FNIP2: variants seen among roughly 807,000 people sequenced by gnomAD.
The protein encoded by FNIP2 is folliculin interacting protein 2.
In FNIP2, 32 loss-of-function variants were observed where a neutral mutation model predicts 108.7. That is an observed-to-expected ratio of 0.29 (90% CI 0.22 to 0.40). The LOEUF is 0.40. Ranked by LOEUF, FNIP2 falls within the 10% of genes least tolerant of loss-of-function variation. The pLI is 1.00. For missense variants in FNIP2, 1,202 were observed against 1,381.6 expected, an observed-to-expected ratio of 0.87 and a Z score of 2.06; for synonymous variants, 480 against 496.7, an observed-to-expected ratio of 0.97 and a Z score of 0.45.
At chr4:158,812,501 T>A (rs1223982049) in intron 1 of FNIP2, among the ~76,000 whole-genome samples, 1 of 152,138 alleles carries the variant, frequency 6.6e-6, no homozygotes, top group Non-Finnish European at 1.5e-5. Context: ...CTTCAGAAAA[T>A]AATCCTGTCA....
chr4:158,837,705 C>G (rs1469220342), intron 7 of FNIP2, among the ~76,000 whole-genome samples: 2 of 152,152 alleles, frequency 1.3e-5, no homozygotes, highest in Admixed American at 1.3e-4. Flanking sequence ...ATGAGAGGAA[C>G]TAGGGACTGA....
At chr4:158,789,997 C>T (rs373397227) in intron 1 of FNIP2, among the ~76,000 whole-genome samples, 7 of 151,972 alleles carry the variant, frequency 4.6e-5, no homozygotes, top group African/African-American at 9.7e-5. Flanking sequence ...ACACGTCAAG[C>T]GGGAAATTCC....
intron 1 of FNIP2, among the ~76,000 whole-genome samples, chr4:158,791,864 T>C (rs1776431089): frequency 6.6e-6 from 1 of 151,964 alleles, no homozygotes; most frequent in Non-Finnish European, 1.5e-5. Context: ...TGAAAATAGG[T>C]AAAACATGGT....
intron 1 of FNIP2, among the ~76,000 whole-genome samples, chr4:158,802,333 CT>C (rs1307421631): frequency 6.6e-6 from 1 of 151,810 alleles, no homozygotes; most frequent in African/African-American, 2.4e-5. Flanking sequence ...TTTATTTCTC[CT>C]TTTTTTCTCA....
intron 8 of FNIP2, 44 bp from the exon 9 acceptor site, chr4:158,859,013 C>A: frequency 6.4e-7 from 1 of 1,558,134 alleles, no homozygotes; most frequent in Non-Finnish European, 8.8e-7. Flanking sequence ...TTCAGTGTGA[C>A]TCACTGATGC....
intron 10 of FNIP2, 119 bp from the exon 11 acceptor site, chr4:158,861,223 C>A: frequency 8.3e-7 from 1 of 1,203,548 alleles, no homozygotes; most frequent in Non-Finnish European, 1.1e-6. Context: ...ATGTGTGGAG[C>A]TTGAATCTTT....
intron 11 of FNIP2, 56 bp from the exon 12 acceptor site, chr4:158,861,551 G>C: frequency 6.2e-7 from 1 of 1,613,648 alleles, no homozygotes; most frequent in African/African-American, 1.3e-5. Context: ...TACTGCATAG[G>C]ATGTGCCTCT....
chr4:158,793,123 A>T (rs936612260), intron 1 of FNIP2, among the ~76,000 whole-genome samples: 2 of 152,190 alleles, frequency 1.3e-5, no homozygotes, highest in African/African-American at 4.8e-5. Flanking sequence ...TTGTTTTTGG[A>T]TAGACCATTC....
At position 158,904,640 on chromosome 4, in the gene FNIP2, A is replaced by C. The variant is rs1051477682; in HGVS notation, c.*96A>C. The C allele has an allele frequency of 9.3e-7, 1 of 1,070,710 alleles. No homozygotes were observed. Among genetic ancestry groups the C allele is most frequent in the Non-Finnish European group, 1.4e-6 (1 of 714,376 alleles). 66.3% of individuals were successfully genotyped at this position (1,070,710 alleles called of 1,614,324 possible). Reference sequence around the variant, plus strand: ...CTCTCTGTGATGTCAAAAGCATGAGAAGAGCAAACAGAAACAGTCATTCCA... The same window carrying C: ...CTCTCTGTGATGTCAAAAGCATGAGCAGAGCAAACAGAAACAGTCATTCCA... On this transcript the variant is annotated 3_prime_UTR_variant, in exon 17 of 17. Coordinates refer to ENST00000264433, the MANE Select transcript of FNIP2 (RefSeq NM_020840.3).
chr4:158,896,121 C>T (rs1431157223), intron 16 of FNIP2, among the ~76,000 whole-genome samples: 1 of 152,158 alleles, frequency 6.6e-6, no homozygotes, highest in Non-Finnish European at 1.5e-5. Context: ...TGTGGATTAT[C>T]TTATGCTTGA....
At chr4:158,809,512 C>T (rs1310867293) in intron 1 of FNIP2, among the ~76,000 whole-genome samples, 2 of 152,196 alleles carry the variant, frequency 1.3e-5, no homozygotes, top group African/African-American at 4.8e-5. Flanking sequence ...ATGGTATCAT[C>T]CTCAAATAAT....
At chr4:158,835,337 T>C in intron 6 of FNIP2, 68 bp from the exon 7 acceptor site, 1 of 1,356,666 alleles carries the variant, frequency 7.4e-7, no homozygotes, top group Non-Finnish European at 1.0e-6. Flanking sequence ...TAAAAATTAC[T>C]GCAGTCATTT....
At chr4:158,807,305 C>T (rs953782968) in intron 1 of FNIP2, among the ~76,000 whole-genome samples, 12 of 151,540 alleles carry the variant, frequency 7.9e-5, no homozygotes, top group African/African-American at 2.9e-4. Flanking sequence ...CAAGACTAGC[C>T]AGGGCAATGT....
In FNIP2 at chr4:158,905,454, C is replaced by A. The variant is rs1433654845; in HGVS notation, c.*910C>A. On this transcript the variant is annotated 3_prime_UTR_variant, in exon 17 of 17. Transcript: ENST00000264433. The stretch of plus-strand genomic sequence containing the variant: ...AGCCACTTTTTCCTTATAGTTAATA[C>A]AAATGACTATTTTTACTTTAAAAGG... 2 of 152,124 alleles carry A rather than the reference C, an allele frequency of 1.3e-5. No homozygotes were observed. The highest frequency in any genetic ancestry group is 2.9e-5 in the Non-Finnish European group (2 of 68,018). The allele number at this position is 152,124 out of a possible 1,614,324, so 9.4% of individuals were successfully genotyped here.
intron 14 of FNIP2, among the ~76,000 whole-genome samples, chr4:158,875,515 G>GATATATATATATATATATAT (rs56389652): frequency 0.027 from 2,982 of 111,332 alleles, 132 homozygotes; most frequent in African/African-American, 0.033. Flanking sequence ...GCCTGGCTGT[G>GATATATATATATATATATAT]ATATATATAT....
chr4:158,869,498 ATGT>A (rs993670976), intron 13 of FNIP2, 70 bp downstream of exon 13: 9 of 1,470,034 alleles, frequency 6.1e-6, no homozygotes, highest in African/African-American at 5.7e-5. Flanking sequence ...GACACCTGTG[ATGT>A]TGTTAGCCAC....
chr4:158,902,126 ATCTAC>A (rs1729352793), intron 16 of FNIP2, among the ~76,000 whole-genome samples: 1 of 151,996 alleles, frequency 6.6e-6, no homozygotes, highest in Non-Finnish European at 1.5e-5. Context: ...TCATGGATTT[ATCTAC>A]CTTTGGTCTT....
chr4:158,820,673 G>T (rs775458566), intron 1 of FNIP2, among the ~76,000 whole-genome samples: 2 of 147,886 alleles, frequency 1.4e-5, no homozygotes, highest in Non-Finnish European at 3.0e-5. Flanking sequence ...TTGCTGTGTG[G>T]TTCTTCTGTA....
At chr4:158,824,449 C>A (rs1180078849) in intron 1 of FNIP2, among the ~76,000 whole-genome samples, 1 of 152,186 alleles carries the variant, frequency 6.6e-6, no homozygotes, top group Non-Finnish European at 1.5e-5. Context: ...GCAAGGCCCC[C>A]TTTCACCTCG....
Sources: gnomAD v4.1 joint callset for allele counts (sites outside exome capture counted in the v4.1 genomes callset) on GRCh38, gnomAD v4.1.1 for gene constraint, MANE v1.5 for transcripts, NCBI Gene and HGNC (gene_info 2026-07-23, HGNC 2026-07-21) for gene names.